Variants in PDE4D observed in about 807,000 individuals in gnomAD.
The protein encoded by PDE4D is phosphodiesterase 4D, also known as 3',5'-cyclic-AMP phosphodiesterase 4D.
In PDE4D, 24 loss-of-function variants were observed where a neutral mutation model predicts 87.4. That is an observed-to-expected ratio of 0.27 (90% CI 0.20 to 0.39). PDE4D has a LOEUF of 0.39. Among genes scored for constraint, PDE4D ranks in the 10% least tolerant of loss-of-function variants. PDE4D has a pLI of 1.00. For missense variants in PDE4D, 714 were observed against 1,041.0 expected (o/e 0.69, Z 4.32); for synonymous variants, 384 against 383.2 (o/e 1.00, Z -0.02).
intron 1 of PDE4D, among the ~76,000 whole-genome samples, chr5:59,743,706 C>T (rs989850712): frequency 1.3e-5 from 2 of 152,098 alleles, no homozygotes; most frequent in African/African-American, 4.8e-5. Flanking sequence ...CTTAAAGAGA[C>T]ATTTGTGCAA....
chr5:59,784,134 G>C (rs2152632593), intron 1 of PDE4D, among the ~76,000 whole-genome samples: 1 of 152,014 alleles, frequency 6.6e-6, no homozygotes, highest in South Asian at 2.1e-4. Flanking sequence ...GTGTAAGAGA[G>C]AAGTCACTGC....
intron 3 of PDE4D, among the ~76,000 whole-genome samples, chr5:59,979,361 A>T (rs569217680): frequency 1.2e-5 from 1 of 85,040 alleles, no homozygotes; most frequent in African/African-American, 2.8e-5. Flanking sequence ...TAAATTACAT[A>T]TTTAAAAAAC....
intron 1 of PDE4D, among the ~76,000 whole-genome samples, chr5:60,465,732 A>G (rs1264437588): frequency 1.3e-5 from 2 of 152,132 alleles, no homozygotes; most frequent in East Asian, 1.9e-4. Context: ...TAATATACCT[A>G]TCCTACCAAG....
intron 3 of PDE4D, among the ~76,000 whole-genome samples, chr5:59,977,077 G>A (rs1438564542): frequency 6.6e-6 from 1 of 152,126 alleles, no homozygotes; most frequent in South Asian, 2.1e-4. Flanking sequence ...TGGCCTATAA[G>A]TGTTCAAGTG....
chr5:59,912,390 C>T (rs565563183), intron 3 of PDE4D, among the ~76,000 whole-genome samples: 1 of 152,200 alleles, frequency 6.6e-6, no homozygotes, highest in African/African-American at 2.4e-5. Flanking sequence ...AAGCAGAAAG[C>T]ATTCTTGTCT....
At chr5:60,471,037 T>A (rs561444159) in intron 1 of PDE4D, among the ~76,000 whole-genome samples, 2 of 152,198 alleles carry the variant, frequency 1.3e-5, no homozygotes, top group Non-Finnish European at 2.9e-5. Flanking sequence ...GTTGAAAGCC[T>A]TCTGGAAAGA....
intron 1 of PDE4D, among the ~76,000 whole-genome samples, chr5:59,464,613 T>C (rs1801284624): frequency 6.6e-6 from 1 of 152,088 alleles, no homozygotes; most frequent in Non-Finnish European, 1.5e-5. Flanking sequence ...GCTGGCGGGA[T>C]CCTCCATACG....
intron 2 of PDE4D, among the ~76,000 whole-genome samples, chr5:60,024,087 C>T (rs1323852355): frequency 4.6e-5 from 7 of 152,132 alleles, no homozygotes; most frequent in Admixed American, 2.0e-4. Flanking sequence ...AAAACTTATA[C>T]TACTACCTAG....
intron 2 of PDE4D, chr5:60,021,653 C>A (rs1270171122): frequency 6.6e-6 from 1 of 152,096 alleles, no homozygotes; most frequent in Non-Finnish European, 1.5e-5. Context: ...AAGCTGAGGT[C>A]AAATTTCAAG....
chr5:59,248,003 C>T (rs1444901527), intron 1 of PDE4D, among the ~76,000 whole-genome samples: 1 of 124,702 alleles, frequency 8.0e-6, no homozygotes, highest in Non-Finnish European at 1.6e-5. Flanking sequence ...ATGATCCAGA[C>T]AAGTGATTAC....
At chr5:59,393,860 T>A (rs1476190218) in intron 1 of PDE4D, among the ~76,000 whole-genome samples, 1 of 152,208 alleles carries the variant, frequency 6.6e-6, no homozygotes, top group Non-Finnish European at 1.5e-5. Context: ...AAAACAAAAG[T>A]TTTAGCATTT....
intron 1 of PDE4D, among the ~76,000 whole-genome samples, chr5:59,403,148 GA>G (rs1790977104): frequency 7.6e-6 from 1 of 130,854 alleles, no homozygotes; most frequent in African/African-American, 2.9e-5. Context: ...TAGGTAGACA[GA>G]CAGACAGACA....
chr5:60,057,312 G>A (rs1230019404), intron 2 of PDE4D, among the ~76,000 whole-genome samples: 1 of 152,006 alleles, frequency 6.6e-6, no homozygotes, highest in Non-Finnish European at 1.5e-5. Flanking sequence ...CAAATGTTAG[G>A]ATGTATTTAT....
chr5:59,654,782 T>A (rs1322247651), intron 1 of PDE4D, among the ~76,000 whole-genome samples: 1 of 152,048 alleles, frequency 6.6e-6, no homozygotes, highest in Non-Finnish European at 1.5e-5. Context: ...ACTATAGACT[T>A]GTCTATAGTG....
chr5:59,316,358 G>T (rs1773734105), intron 1 of PDE4D, among the ~76,000 whole-genome samples: 1 of 152,004 alleles, frequency 6.6e-6, no homozygotes, highest in Non-Finnish European at 1.5e-5. Flanking sequence ...TTTAGTCTTT[G>T]AACATAGAAC....
At chr5:59,309,767 C>G (rs1161253787) in intron 1 of PDE4D, among the ~76,000 whole-genome samples, 1 of 152,182 alleles carries the variant, frequency 6.6e-6, no homozygotes, top group Non-Finnish European at 1.5e-5. Context: ...AGTCCTGCCT[C>G]CTGTCTGCCA....
intron 1 of PDE4D, among the ~76,000 whole-genome samples, chr5:59,714,214 T>C: frequency 6.6e-6 from 1 of 152,040 alleles, no homozygotes; most frequent in Non-Finnish European, 1.5e-5. Context: ...TGAGAGAAAA[T>C]CGATAAGCAG....
rs1181690076 is a variant in PDE4D at position 58,973,310 on chromosome 5, A to ATGGT, written c.*1350_*1353dup. On this transcript the variant is annotated 3_prime_UTR_variant, in exon 15 of 15. Coordinates refer to ENST00000340635, the MANE Select transcript of PDE4D (RefSeq NM_001104631.2). Reference sequence around the variant, plus strand: ...TACCTGTTTCTTTTCACCGGTGACAATGGTAGTGATATATTTGACAAGACC... The same window carrying ATGGT: ...TACCTGTTTCTTTTCACCGGTGACAATGGTTGGTAGTGATATATTTGACAAGACC... The ATGGT allele has an allele frequency of 6.6e-6, 1 of 152,172 alleles. No individual in the cohort carries two copies. Among genetic ancestry groups the ATGGT allele is most frequent in the Non-Finnish European group, 1.5e-5 (1 of 68,036 alleles). The allele number at this position is 152,172 out of a possible 1,614,324, so 9.4% of individuals were successfully genotyped here.
chr5:59,188,163 C>T (rs978552817), intron 3 of PDE4D, among the ~76,000 whole-genome samples: 1 of 152,076 alleles, frequency 6.6e-6, no homozygotes, highest in African/African-American at 2.4e-5. Context: ...CTTTAAGGCT[C>T]CTTTTACAGT....
Sources: gnomAD v4.1 joint callset for allele counts (sites outside exome capture counted in the v4.1 genomes callset) on GRCh38, gnomAD v4.1.1 for gene constraint, MANE v1.5 for transcripts, NCBI Gene and HGNC (gene_info 2026-07-23, HGNC 2026-07-21) for gene names.